KCNN3: variants seen among roughly 807,000 people sequenced by gnomAD.
KCNN3 encodes the protein small conductance calcium-activated potassium channel protein 3.
KCNN3 carries 16 observed loss-of-function variants against 62.9 expected under a neutral mutation model. The ratio of observed to expected loss-of-function variants is 0.25; its 90% CI spans 0.17 to 0.39. The LOEUF is 0.39. KCNN3 is among the 10% of genes least tolerant of loss of function. The pLI is 1.00. For synonymous variants in KCNN3, 370 were observed against 389.2 expected (o/e 0.95, Z 0.58); for missense variants, 599 against 949.4 (o/e 0.63, Z 4.85).
chr1:154,746,235 G>C (rs574220807), intron 3 of KCNN3, among the ~76,000 whole-genome samples: 16 of 152,274 alleles, frequency 1.1e-4, no homozygotes, highest in Admixed American at 2.0e-4. Flanking sequence ...AGGCAAAAAA[G>C]GGCCGCGTTA....
At chr1:154,823,835 G>A (rs1240311228) in intron 1 of KCNN3, among the ~76,000 whole-genome samples, 1 of 152,090 alleles carries the variant, frequency 6.6e-6, no homozygotes, top group Non-Finnish European at 1.5e-5. Flanking sequence ...GTCCAATATG[G>A]CAACCACAAG....
chr1:154,829,226 C>T (rs899302848), intron 1 of KCNN3, among the ~76,000 whole-genome samples: 3 of 152,234 alleles, frequency 2.0e-5, no homozygotes, highest in Non-Finnish European at 4.4e-5. Context: ...CCCTGGAGGA[C>T]ACATCAGGCT....
intron 3 of KCNN3, among the ~76,000 whole-genome samples, chr1:154,753,086 G>C (rs1442328771): frequency 6.6e-6 from 1 of 152,170 alleles, no homozygotes; most frequent in African/African-American, 2.4e-5. Context: ...GACAATTTAA[G>C]AATACTGGTA....
At chr1:154,743,503 C>T (rs936178306) in intron 3 of KCNN3, among the ~76,000 whole-genome samples, 3 of 152,250 alleles carry the variant, frequency 2.0e-5, no homozygotes. Flanking sequence ...TTCACCCAGC[C>T]AGCTTTACTC....
chr1:154,785,572 C>CTTTTTTTTTT (rs59033291), intron 2 of KCNN3, among the ~76,000 whole-genome samples: 2 of 107,980 alleles, frequency 1.9e-5, no homozygotes, highest in African/African-American at 3.8e-5. Context: ...TTTTCTTTTT[C>CTTTTTTTTTT]TTTTTTTTTT....
intron 1 of KCNN3, among the ~76,000 whole-genome samples, chr1:154,835,683 T>C (rs909046234): frequency 6.6e-6 from 1 of 152,244 alleles, no homozygotes; most frequent in African/African-American, 2.4e-5. Flanking sequence ...GAGGAGGCTG[T>C]AACCATGGAA....
At chr1:154,825,979 C>T (rs529762735) in intron 1 of KCNN3, among the ~76,000 whole-genome samples, 5 of 149,270 alleles carry the variant, frequency 3.3e-5, no homozygotes, top group African/African-American at 7.4e-5. Flanking sequence ...ACCCGGGAGG[C>T]GGAGCTTGCA....
rs765305030 is a variant in KCNN3, at chr1:154,772,988, A to C, written c.1030-595T>G. ...TGTAATGAAACCTCCACAAAATCCC[A>C]AAAAGACAGTGTTTTGTTTTGTTTT... On this transcript the variant is annotated intron_variant, in intron 2 of 7. Coordinates refer to ENST00000271915, the MANE Select transcript of KCNN3 (RefSeq NM_002249.6). The surrounding 1 kb of genome is among the most constrained non-coding windows in gnomAD (Gnocchi z 5.6). Among the ~76,000 whole-genome samples the C allele has an allele frequency of 1.1e-4, 17 of 152,300 alleles. No individual in the cohort carries two copies. In the South Asian group the frequency reaches 1.2e-3, roughly 11 times the overall value.
At chr1:154,736,553 G>C (rs1288723889) in intron 3 of KCNN3, among the ~76,000 whole-genome samples, 1 of 152,228 alleles carries the variant, frequency 6.6e-6, no homozygotes, top group Non-Finnish European at 1.5e-5. Flanking sequence ...AAGCTTTGCA[G>C]GTGTCCAGGG....
At chr1:154,763,521 T>G (rs902409850) in intron 3 of KCNN3, among the ~76,000 whole-genome samples, 32 of 152,194 alleles carry the variant, frequency 2.1e-4, no homozygotes, top group African/African-American at 7.7e-4. Context: ...GGGCTATCAG[T>G]GCACACCATT....
intron 1 of KCNN3, among the ~76,000 whole-genome samples, chr1:154,867,190 A>T (rs911111426): frequency 6.6e-6 from 1 of 152,178 alleles, no homozygotes; most frequent in African/African-American, 2.4e-5. Context: ...GGCAGCTGCC[A>T]GTCCTAGCGA....
rs58874821 is a variant in KCNN3 at position 154,809,456 on chromosome 1, A to G, written c.1029+12633T>C. 0.072 allele frequency among the ~76,000 whole-genome samples: 11,006 copies of G among 152,294 alleles called. 450 individuals are homozygous for G. The highest frequency in any genetic ancestry group is 0.097 in the African/African-American group (4,046 of 41,546). On this transcript the variant is annotated intron_variant, in intron 2 of 7. Coordinates refer to ENST00000271915, the MANE Select transcript of KCNN3 (RefSeq NM_002249.6). The surrounding 1 kb of genome is among the most constrained non-coding windows in gnomAD (Gnocchi z 4.3). ...CTCACAGGAGGCCACAAAACTTTTA[A>G]GATGAAAAAGATTTGCAAATCCTTG...
chr1:154,697,768 C>A lies in KCNN3; in HGVS notation c.*10208G>T. On this transcript the variant is annotated 3_prime_UTR_variant, in exon 8 of 8. Transcript: ENST00000271915. ...CTGGATCTTACAAATCCAATGGTGG[C>A]CAGCAGTAGAACTGAAGCCTGTAAG... 1 of 152,330 alleles carries A rather than the reference C, an allele frequency of 6.6e-6. No homozygotes were observed. The highest frequency in any genetic ancestry group is 1.5e-5 in the Non-Finnish European group (1 of 68,042). 9.4% of individuals were successfully genotyped at this position (152,330 alleles called of 1,614,324 possible).
At position 154,809,671 on chromosome 1, in the gene KCNN3, G is replaced by A. The variant is rs960706552; in HGVS notation, c.1029+12418C>T. On this transcript the variant is annotated intron_variant, in intron 2 of 7. Coordinates refer to ENST00000271915, the MANE Select transcript of KCNN3 (RefSeq NM_002249.6). The surrounding 1 kb of genome is among the most constrained non-coding windows in gnomAD (Gnocchi z 4.3). ...TGCTGAGTGAGATGCTAAAAGGCCTGGACAGACTAGAATGAAGGGCTGAAA... is the reference window on the plus strand; with the variant it reads ...TGCTGAGTGAGATGCTAAAAGGCCTAGACAGACTAGAATGAAGGGCTGAAA... 2.0e-5 allele frequency among the ~76,000 whole-genome samples: 3 copies of A among 152,122 alleles called. No homozygotes were observed. The highest frequency in any genetic ancestry group is 4.8e-5 in the African/African-American group (2 of 41,420).
At chr1:154,775,965 C>A (rs1191335736) in intron 2 of KCNN3, among the ~76,000 whole-genome samples, 1 of 152,112 alleles carries the variant, frequency 6.6e-6, no homozygotes, top group Non-Finnish European at 1.5e-5. Flanking sequence ...GGAATGGAAG[C>A]AACGAGTAAC....
intron 2 of KCNN3, among the ~76,000 whole-genome samples, chr1:154,778,611 CTTTTTTT>C (rs11459390): frequency 1.6e-4 from 12 of 73,638 alleles, no homozygotes; most frequent in Admixed American, 6.3e-4. Context: ...CTCTCTGTCT[CTTTTTTT>C]TTTTTTTTTT....
At chr1:154,753,896 G>T (rs1485311000) in intron 3 of KCNN3, among the ~76,000 whole-genome samples, 2 of 152,180 alleles carry the variant, frequency 1.3e-5, no homozygotes, top group African/African-American at 2.4e-5. Context: ...GCCAGTCGCA[G>T]GTGCTTATTT....
chr1:154,827,441 T>C (rs1201975459), intron 1 of KCNN3, among the ~76,000 whole-genome samples: 1 of 152,188 alleles, frequency 6.6e-6, no homozygotes, highest in Non-Finnish European at 1.5e-5. Flanking sequence ...GGATCTTTCA[T>C]TCTTACCCAT....
intron 1 of KCNN3, among the ~76,000 whole-genome samples, chr1:154,823,479 G>A (rs772209374): frequency 2.6e-5 from 4 of 152,280 alleles, no homozygotes; most frequent in Non-Finnish European, 4.4e-5. Context: ...AACAGCCCTC[G>A]GCCTTTTACC....
Sources: gnomAD v4.1 joint callset for allele counts (sites outside exome capture counted in the v4.1 genomes callset) on GRCh38, gnomAD v4.1.1 for gene constraint, Gnocchi (gnomAD v3.1) non-coding constraint, MANE v1.5 for transcripts, NCBI Gene and HGNC (gene_info 2026-07-23, HGNC 2026-07-21) for gene names.